Variants in MCM2 observed in about 807,000 individuals in gnomAD.
The protein encoded by MCM2 is DNA replication licensing factor MCM2.
Under a neutral mutation model 86.4 loss-of-function variants are expected in MCM2, and 49 were observed. That is an observed-to-expected ratio of 0.57 (90% CI 0.45 to 0.72). The LOEUF (loss-of-function observed/expected upper bound fraction) is 0.72, where lower values mean the gene tolerates loss of function less well. Among genes scored for constraint, MCM2 ranks in the 30% least tolerant of loss-of-function variants. MCM2 has a pLI of 0.00. For synonymous variants in MCM2, 475 were observed against 484.6 expected, an observed-to-expected ratio of 0.98 and a Z score of 0.26; for missense variants, 1,038 against 1,259.9, an observed-to-expected ratio of 0.82 and a Z score of 2.67.
At chr3:127,603,408 T>G (rs573861323) in intron 2 of MCM2, among the ~76,000 whole-genome samples, 3 of 152,284 alleles carry the variant, frequency 2.0e-5, no homozygotes, top group Non-Finnish European at 4.4e-5. Flanking sequence ...CTGCAACCTC[T>G]GCCTCCCTGG....
intron 4 of MCM2, among the ~76,000 whole-genome samples, chr3:127,605,749 CT>C (rs2074342460): frequency 6.6e-6 from 1 of 152,144 alleles, no homozygotes. Flanking sequence ...CAGGAATTGA[CT>C]TTTAAAAGGG....
chr3:127,605,975 G>C, intron 4 of MCM2, 143 bp from the exon 5 acceptor site: 1 of 646,150 alleles, frequency 1.5e-6, no homozygotes, highest in Non-Finnish European at 2.8e-6. Context: ...CTGAAGTGTG[G>C]TAGACCTAGA....
intron 2 of MCM2, among the ~76,000 whole-genome samples, chr3:127,600,826 A>C (rs1429852083): frequency 6.8e-6 from 1 of 147,630 alleles, no homozygotes; most frequent in Non-Finnish European, 1.5e-5. Context: ...TTCTGGGTAG[A>C]GGTATCTGAG....
At chr3:127,602,162 CTTTTTTT>C (rs201744525) in intron 2 of MCM2, among the ~76,000 whole-genome samples, 2 of 127,948 alleles carry the variant, frequency 1.6e-5, no homozygotes, top group African/African-American at 2.9e-5. Context: ...TCCAGTTTAA[CTTTTTTT>C]TTTTTTTTTT....
Position 127,605,104 on chromosome 3 carries a change from C to T in MCM2, c.621C>T (p.Val207=), listed in dbSNP as rs1197035398. ...HRFKNFLRTH[V]DSHGHNVFKE... The stretch of plus-strand genomic sequence containing the variant: ...TCAAGAACTTCCTGCGCACTCACGT[C>T]GACAGCCACGGCCACAACGTCTTCA... The change falls in exon 4 of 16, where the codon GTC becomes GTT. Residue 207 remains valine (V), a synonymous_variant. Transcript: ENST00000265056. The T allele has an allele frequency of 3.1e-6, 5 of 1,613,902 alleles. No individual in the cohort carries two copies. Among genetic ancestry groups the T allele is most frequent in the African/African-American group, 1.3e-5 (1 of 74,916 alleles).
Position 127,622,078 on chromosome 3 carries a change from C to T in MCM2, c.*305C>T, listed in dbSNP as rs534432199. The T allele has an allele frequency of 7.7e-6, 2 of 260,382 alleles. No homozygotes were observed. Among genetic ancestry groups the T allele is most frequent in the South Asian group, 6.6e-5 (1 of 15,234 alleles). The allele number at this position is 260,382 out of a possible 1,614,324, so 16.1% of individuals were successfully genotyped here. A position where few individuals can be genotyped will look rare whatever the true frequency, so the allele number is the denominator to read the frequency against. Reference sequence around the variant, plus strand: ...AGAGCTGCTGAGTTCAGGATGCCTGCGTGTGGTTTAGGTGTTAGCCTTCTT... The same window carrying T: ...AGAGCTGCTGAGTTCAGGATGCCTGTGTGTGGTTTAGGTGTTAGCCTTCTT... On this transcript the variant is annotated 3_prime_UTR_variant, in exon 16 of 16. Transcript: ENST00000265056.
intron 2 of MCM2, among the ~76,000 whole-genome samples, chr3:127,600,073 AGTTTGAAACCAGCCT>A (rs2074296529): frequency 6.6e-6 from 1 of 152,214 alleles, no homozygotes; most frequent in Non-Finnish European, 1.5e-5. Flanking sequence ...TGAGGTCAGG[AGTTTGAAACCAGCCT>A]GGTCAACAGG....
chr3:127,599,381 C>G lies in MCM2; in HGVS notation c.70C>G (p.Leu24Val). Residue 24 changes from leucine (L) to valine (V), a missense_variant, in exon 2 of 16, where the codon CTC (leucine) becomes GTC (valine). Coordinates refer to ENST00000265056, the MANE Select transcript of MCM2 (RefSeq NM_004526.4). ...PAQRRRGNDP[L>V]TSSPGRSSRR... ...CCAGCGTCGGCGAGGCAATGATCCT[C>G]TCACCTCCAGCCCTGGCCGAAGCTC... 1.2e-6 allele frequency: 2 copies of G among 1,614,170 alleles called. No individual in the cohort carries two copies. Among genetic ancestry groups the G allele is most frequent in the Middle Eastern group, 1.6e-4 (1 of 6,062 alleles).
intron 13 of MCM2, among the ~76,000 whole-genome samples, chr3:127,620,032 C>T (rs1345385140): frequency 2.6e-5 from 4 of 152,078 alleles, no homozygotes; most frequent in Non-Finnish European, 4.4e-5. Context: ...ATACCTTAAC[C>T]ATTTTGTTTT....
chr3:127,605,071 C>A lies in MCM2; in HGVS notation c.588C>A (p.His196Gln). The A allele has an allele frequency of 6.2e-7, 1 of 1,613,940 alleles. No homozygotes were observed. The highest frequency in any genetic ancestry group is 8.5e-7 in the Non-Finnish European group (1 of 1,180,010). The change falls in exon 4 of 16, where the codon CAC becomes CAA. Residue 196 changes from histidine (H) to glutamine (Q), a missense_variant. This residue lies in a region of MCM2 where 300 missense variants were observed against 307.4 expected (regional missense o/e 0.98). Coordinates refer to ENST00000265056, the MANE Select transcript of MCM2 (RefSeq NM_004526.4). ...TGGCGGGCCCCCGGCTGGAGATCCA[C>A]CACCGCTTCAAGAACTTCCTGCGCA... ...VSMAGPRLEI[H>Q]HRFKNFLRTH... is the part of the protein sequence containing the mutation.
At chr3:127,605,713 A>G (rs537837263) in intron 4 of MCM2, among the ~76,000 whole-genome samples, 2 of 152,208 alleles carry the variant, frequency 1.3e-5, no homozygotes, top group South Asian at 4.1e-4. Context: ...GTGTTGAGAT[A>G]ACAGGCGTGA....
rs757423043 is a variant in MCM2, at chr3:127,609,014, C to G, written c.1419C>G (p.Ile473Met). The G allele has an allele frequency of 2.5e-6, 4 of 1,613,836 alleles. No individual in the cohort carries two copies. The highest frequency in any genetic ancestry group is 3.4e-6 in the Non-Finnish European group (4 of 1,179,982). Residue 473 changes from isoleucine (I) to methionine (M), a missense_variant, in exon 8 of 16, where the codon ATC becomes ATG. This residue lies in a region of MCM2 where 399 missense variants were observed against 507.2 expected (regional missense o/e 0.79). Coordinates refer to ENST00000265056, the MANE Select transcript of MCM2 (RefSeq NM_004526.4). ...MITSLSKDQQ[I>M]GEKIFASIAP... Reference sequence around the variant, plus strand: ...CTAGCCTCTCCAAGGATCAGCAGATCGGAGAGAAGGTAGGTGGAAGGCAGG... The same window carrying G: ...CTAGCCTCTCCAAGGATCAGCAGATGGGAGAGAAGGTAGGTGGAAGGCAGG...
In MCM2 at chr3:127,617,647, G is replaced by T. The variant is rs1449467858; in HGVS notation, c.1900+242G>T. On this transcript the variant is annotated intron_variant, in intron 11 of 15. Transcript: ENST00000265056. The surrounding 1 kb of genome is among the most constrained non-coding windows in gnomAD (Gnocchi z 4.1). The stretch of plus-strand genomic sequence containing the variant: ...TTGGATGTTCTCAGAAGGCATGGGA[G>T]GAGAGCCCAGTGCCCCTCTGGCCAG... 2 of 611,434 alleles carry T rather than the reference G, an allele frequency of 3.3e-6. No homozygotes were observed. The highest frequency in any genetic ancestry group is 2.9e-6 in the Non-Finnish European group (1 of 350,794). 37.9% of individuals were successfully genotyped at this position (611,434 alleles called of 1,614,324 possible).
chr3:127,614,380 C>G (rs1363070452), intron 8 of MCM2, among the ~76,000 whole-genome samples: 1 of 152,182 alleles, frequency 6.6e-6, no homozygotes, highest in East Asian at 1.9e-4. Context: ...TACCCCTTCC[C>G]CCTGTTTTTT....
chr3:127,612,559 TG>T (rs2074406990), intron 8 of MCM2, among the ~76,000 whole-genome samples: 1 of 152,216 alleles, frequency 6.6e-6, no homozygotes, highest in Non-Finnish European at 1.5e-5. Context: ...AAAAACTGGA[TG>T]GAAGAGCCTG....
chr3:127,617,041 A>G lies in MCM2; in HGVS notation c.1696A>G (p.Ser566Gly). 1 of 1,614,190 alleles carries G rather than the reference A, an allele frequency of 6.2e-7. No individual in the cohort carries two copies. The highest frequency in any genetic ancestry group is 1.3e-5 in the African/African-American group (1 of 75,064). Reference sequence around the variant, plus strand: ...GGCGTATGTCCAGCGGCACCCTGTCAGCAGGGAGTGGACCTTGGAGGCTGG... The same window carrying G: ...GGCGTATGTCCAGCGGCACCCTGTCGGCAGGGAGTGGACCTTGGAGGCTGG... ...LTAYVQRHPV[S>G]REWTLEAGAL... is the part of the protein sequence containing the mutation. Residue 566 changes from serine (S) to glycine (G), a missense_variant, in exon 10 of 16, where the codon AGC becomes GGC. Physicochemically the swap from Ser to Gly is moderately conservative, Grantham distance 56. Transcript: ENST00000265056. This position sits in a 1 kb window ranked among gnomAD's most constrained non-coding sequence, Gnocchi z 4.1.
chr3:127,619,566 CT>C (rs2074460544), intron 13 of MCM2, among the ~76,000 whole-genome samples: 1 of 152,176 alleles, frequency 6.6e-6, no homozygotes, highest in Non-Finnish European at 1.5e-5. Context: ...GTAATCCCAG[CT>C]TCTCAGGAGG....
Position 127,611,738 on chromosome 3 carries a change from G to A in MCM2, c.1428+2715G>A, listed in dbSNP as rs141517121. Among the ~76,000 whole-genome samples, 20 of 100,850 alleles carry A rather than the reference G, an allele frequency of 2.0e-4. 1 individual carries two copies. The South Asian group carries it at 6.1e-3, about 31-fold the overall frequency. 66.2% of individuals were successfully genotyped at this position (100,850 alleles called of 152,430 possible). On this transcript the variant is annotated intron_variant, in intron 8 of 15. Coordinates refer to ENST00000265056, the MANE Select transcript of MCM2 (RefSeq NM_004526.4). ...TTTTGAGACGGAGTCTCGCTCTGTCGCCCAGGCTGGAGTGCAGTGGCGGGA... is the reference window on the plus strand; with the variant it reads ...TTTTGAGACGGAGTCTCGCTCTGTCACCCAGGCTGGAGTGCAGTGGCGGGA...
intron 9 of MCM2, among the ~76,000 whole-genome samples, chr3:127,616,270 A>G (rs994586558): frequency 6.6e-6 from 1 of 152,238 alleles, no homozygotes; most frequent in African/African-American, 2.4e-5. Context: ...AATACTATTG[A>G]CACATGAGTT....
Sources: allele counts gnomAD v4.1 joint callset (sites outside exome capture counted in the v4.1 genomes callset), GRCh38; gene constraint gnomAD v4.1.1; regional missense constraint gnomAD v4.1.1; non-coding constraint Gnocchi (gnomAD v3.1); transcripts MANE v1.5; gene names NCBI Gene and HGNC (gene_info 2026-07-23, HGNC 2026-07-21).